DPP6: variants seen among roughly 807,000 people sequenced by gnomAD.
The protein encoded by DPP6 is dipeptidyl peptidase like 6, also known as A-type potassium channel modulatory protein DPP6.
Under a neutral mutation model 122.6 loss-of-function variants are expected in DPP6, and 69 were observed. That is an observed-to-expected ratio of 0.56 (90% CI 0.46 to 0.69). The LOEUF (loss-of-function observed/expected upper bound fraction) is 0.69. Among genes scored for constraint, DPP6 ranks in the 30% least tolerant of loss-of-function variants. DPP6 has a pLI of 0.00. For synonymous variants in DPP6, 418 were observed against 433.1 expected (o/e 0.97, Z 0.43); for missense variants, 928 against 1,116.9 (o/e 0.83, Z 2.41).
At chr7:153,859,180 G>A in the DPP6 span, among the ~76,000 whole-genome samples, 22 of 152,272 alleles carry the variant, frequency 1.4e-4, 1 homozygote, top group Admixed American at 9.8e-4. Flanking sequence ...CCTGGGGCCC[G>A]TCTGGTGATA....
chr7:153,853,715 CA>C, the DPP6 span, among the ~76,000 whole-genome samples: 16 of 152,246 alleles, frequency 1.1e-4, 1 homozygote, highest in Admixed American at 9.2e-4. Flanking sequence ...CAGAATCATG[CA>C]ATTCAAATTC....
chr7:154,264,426 C>G (rs755380689), intron 1 of DPP6, among the ~76,000 whole-genome samples: 2 of 151,930 alleles, frequency 1.3e-5, no homozygotes, highest in Non-Finnish European at 2.9e-5. Context: ...AATCCTTGCT[C>G]AACTTTTAAT....
At chr7:154,869,831 TCCCGCC>T (rs1052309576) in intron 18 of DPP6, among the ~76,000 whole-genome samples, 7 of 141,484 alleles carry the variant, frequency 4.9e-5, no homozygotes, top group African/African-American at 1.9e-4. Context: ...TCAGATCCGC[TCCCGCC>T]CCCACCCCCA....
chr7:154,175,750 C>T (rs1395743259), intron 1 of DPP6, among the ~76,000 whole-genome samples: 2 of 146,222 alleles, frequency 1.4e-5, no homozygotes, highest in Non-Finnish European at 3.0e-5. Flanking sequence ...GGCGGAGTCT[C>T]GGTCTGTCGC....
rs111595260 is a variant in DPP6 at position 154,642,829 on chromosome 7, G to T, written c.680+4956G>T. 2.1e-3 allele frequency among the ~76,000 whole-genome samples: 322 copies of T among 152,050 alleles called. 2 individuals are homozygous for T. The highest frequency in any genetic ancestry group is 7.5e-3 in the African/African-American group (309 of 41,464). ...AGGCACAAGAATCACTTAAACCTGG[G>T]AGTCGGAGGTTGCAGTGAGCTGAGA... On this transcript the variant is annotated intron_variant, in intron 6 of 25. Transcript: ENST00000377770.
intron 1 of DPP6, among the ~76,000 whole-genome samples, chr7:154,299,733 G>T (rs1161192530): frequency 6.6e-6 from 1 of 152,184 alleles, no homozygotes; most frequent in East Asian, 1.9e-4. Flanking sequence ...AAATCAGCCG[G>T]CAGGCCTATT....
the DPP6 span, among the ~76,000 whole-genome samples, chr7:153,815,694 C>T: frequency 1.3e-5 from 2 of 152,270 alleles, no homozygotes; most frequent in African/African-American, 2.4e-5. Flanking sequence ...TAACCTTGTA[C>T]AGCTTCCCTA....
chr7:154,272,073 C>T (rs556523786), intron 1 of DPP6, among the ~76,000 whole-genome samples: 1 of 152,286 alleles, frequency 6.6e-6, no homozygotes, highest in African/African-American at 2.4e-5. Context: ...GTATCTACCT[C>T]CCTGGATAGA....
At chr7:154,724,450 G>A (rs1841967368) in intron 7 of DPP6, among the ~76,000 whole-genome samples, 1 of 152,150 alleles carries the variant, frequency 6.6e-6, no homozygotes, top group Admixed American at 6.5e-5. Context: ...CCATCTCCAT[G>A]GTTAGTGCTC....
At chr7:154,666,223 A>T (rs1026783371) in intron 6 of DPP6, among the ~76,000 whole-genome samples, 1 of 151,502 alleles carries the variant, frequency 6.6e-6, no homozygotes, top group African/African-American at 2.4e-5. Flanking sequence ...ACATACATAC[A>T]TACATACATA....
chr7:154,484,088 G>T (rs1016481701), intron 3 of DPP6, among the ~76,000 whole-genome samples: 1 of 152,088 alleles, frequency 6.6e-6, no homozygotes, highest in Non-Finnish European at 1.5e-5. Context: ...GATTCTTTAG[G>T]CCTTTTAACT....
intron 1 of DPP6, among the ~76,000 whole-genome samples, chr7:153,944,603 A>G (rs1479967007): frequency 6.6e-6 from 1 of 151,222 alleles, no homozygotes; most frequent in East Asian, 1.9e-4. Context: ...GAGGCCTCAC[A>G]ACACACGGGG....
chr7:153,896,627 A>T (rs38977), intron 1 of DPP6, among the ~76,000 whole-genome samples: 7 of 152,014 alleles, frequency 4.6e-5, no homozygotes, highest in East Asian at 1.9e-4. Context: ...CAACATAGAC[A>T]GCATCTCTAC....
chr7:154,375,648 CA>C (rs141156076), intron 1 of DPP6, among the ~76,000 whole-genome samples: 3,542 of 152,210 alleles, frequency 0.023, 144 homozygotes, highest in African/African-American at 0.081. Flanking sequence ...GAGCCATCCA[CA>C]AGCCAGGAAG....
rs1563237061 is a variant in DPP6, at chr7:154,137,655, G to GTGT, written c.243+84592_243+84593insTGT. Among the ~76,000 whole-genome samples the GTGT allele has an allele frequency of 4.7e-4, 22 of 46,628 alleles. 1 individual carries two copies. The highest frequency in any genetic ancestry group is 9.0e-4 in the Non-Finnish European group (18 of 19,996). The allele number at this position is 46,628 out of a possible 152,430, so 30.6% of individuals were successfully genotyped here. A position where few individuals can be genotyped will look rare whatever the true frequency, so the allele number is the denominator to read the frequency against. On this transcript the variant is annotated intron_variant, in intron 1 of 25. Transcript: ENST00000377770. ...GGAGGAGATGGTGGGGGGGGTGGGG[G>GTGT]GGTGGGGGGGGTGGGGCGAGCTAAT...
At chr7:153,805,450 G>A in the DPP6 span, among the ~76,000 whole-genome samples, 2 of 152,234 alleles carry the variant, frequency 1.3e-5, no homozygotes, top group East Asian at 1.9e-4. Flanking sequence ...GAGTGGCAAC[G>A]TTTGTTTAAA....
At chr7:154,262,271 G>T (rs958509369) in intron 1 of DPP6, among the ~76,000 whole-genome samples, 2 of 152,108 alleles carry the variant, frequency 1.3e-5, no homozygotes, top group African/African-American at 2.4e-5. Context: ...AGAGCTAATT[G>T]GTTGTGAGGA....
chr7:154,890,003 G>A (rs1330254941), intron 25 of DPP6: 1 of 161,706 alleles, frequency 6.2e-6, no homozygotes, highest in African/African-American at 2.4e-5. Context: ...TCTGTAGCTA[G>A]GCAGTAGTGA....
rs1363478450 is a variant in DPP6 at position 154,821,094 on chromosome 7, G to A, written c.1666+13982G>A. On this transcript the variant is annotated intron_variant, in intron 16 of 25. Transcript: ENST00000377770. This position sits in a 1 kb window ranked among gnomAD's most constrained non-coding sequence, Gnocchi z 4.2. ...AGATGTTCTCTGCAGAGGGTCATTT[G>A]GAATAAATTTTCCTCTGGTCTCAAC... is the stretch of plus-strand genomic sequence containing the variant. 6.6e-6 allele frequency among the ~76,000 whole-genome samples: 1 copy of A among 152,098 alleles called. No homozygotes were observed. Among genetic ancestry groups the A allele is most frequent in the Non-Finnish European group, 1.5e-5 (1 of 68,036 alleles).
Sources: allele counts gnomAD v4.1 joint callset (sites outside exome capture counted in the v4.1 genomes callset), GRCh38; gene constraint gnomAD v4.1.1; non-coding constraint Gnocchi (gnomAD v3.1); transcripts MANE v1.5; gene names NCBI Gene and HGNC (gene_info 2026-07-23, HGNC 2026-07-21).